Variants in EXD3 observed in about 807,000 individuals in gnomAD.
The protein encoded by EXD3 is exonuclease 3'-5' domain containing 3, also known as exonuclease mut-7 homolog.
A neutral mutation model predicts 98.0 loss-of-function variants in EXD3; 92 were observed. The observed-to-expected ratio is 0.94, with a 90% CI of 0.79 to 1.12. EXD3 has a LOEUF of 1.12. EXD3 is among the 50% of genes most tolerant of loss of function. The pLI is 0.00. For synonymous variants in EXD3, 569 were observed against 526.0 expected (o/e 1.08, Z -1.12); for missense variants, 1,222 against 1,191.6 (o/e 1.03, Z -0.38).
chr9:137,400,683 C>T (rs893631220), intron 1 of EXD3, among the ~76,000 whole-genome samples: 8 of 151,384 alleles, frequency 5.3e-5, no homozygotes, highest in African/African-American at 9.7e-5. Flanking sequence ...GAGAATCACT[C>T]GAACCTGGGA....
chr9:137,399,820 C>G (rs1386437888), intron 1 of EXD3, among the ~76,000 whole-genome samples: 1 of 152,080 alleles, frequency 6.6e-6, no homozygotes, highest in Non-Finnish European at 1.5e-5. Flanking sequence ...GGCAGTTCAC[C>G]TGAGGTCAGG....
chr9:137,335,213 CAA>C (rs1440555784), intron 17 of EXD3, among the ~76,000 whole-genome samples: 1 of 151,732 alleles, frequency 6.6e-6, no homozygotes. Flanking sequence ...AAGAAAAAAA[CAA>C]AGAATCCCAT....
At position 137,403,259 on chromosome 9, in the gene EXD3, G is replaced by A. The variant is rs1364612451; in HGVS notation, c.-47-7855C>T. On this transcript the variant is annotated intron_variant, in intron 1 of 21. Coordinates refer to ENST00000340951, the MANE Select transcript of EXD3 (RefSeq NM_017820.5). The surrounding 1 kb of genome is among the most constrained non-coding windows in gnomAD (Gnocchi z 6.1). Reference sequence around the variant, plus strand: ...CACCCCAGGAGTGGGGCCCCACTGTGAGTGACCTGAGGGGCCCCAGAAGAT... The same window carrying A: ...CACCCCAGGAGTGGGGCCCCACTGTAAGTGACCTGAGGGGCCCCAGAAGAT... Among the ~76,000 whole-genome samples, 1 of 152,040 alleles carries A rather than the reference G, an allele frequency of 6.6e-6. No individual in the cohort carries two copies. The highest frequency in any genetic ancestry group is 2.0e-4 in the East Asian group (1 of 5,128).
intron 17 of EXD3, among the ~76,000 whole-genome samples, chr9:137,329,454 G>A (rs111207788): frequency 0.038 from 38 of 994 alleles, 7 homozygotes; most frequent in Admixed American, 0.081. Flanking sequence ...GCTACACGGG[G>A]CTACACGGGA....
chr9:137,395,231 AC>A lies in EXD3; in HGVS notation c.55+71del, dbSNP rs1245329387. 24 of 1,143,858 alleles carry A rather than the reference AC, an allele frequency of 2.1e-5. No individual in the cohort carries two copies. The East Asian group carries it at 3.8e-4, about 18-fold the overall frequency. 70.9% of individuals were successfully genotyped at this position (1,143,858 alleles called of 1,614,324 possible). A position where few individuals can be genotyped will look rare whatever the true frequency, so the allele number is the denominator to read the frequency against. On this transcript the variant is annotated intron_variant, in intron 2 of 21. Transcript: ENST00000340951. The surrounding 1 kb of genome is among the most constrained non-coding windows in gnomAD (Gnocchi z 6.5). ...CACTGAGTACACAGTGGGCGCCACCACCCCCCATGCACACCCACGCACCTCC... is the reference window on the plus strand; with the variant it reads ...CACTGAGTACACAGTGGGCGCCACCACCCCCATGCACACCCACGCACCTCC...
chr9:137,399,280 C>T (rs11516135), intron 1 of EXD3, among the ~76,000 whole-genome samples: 41,730 of 152,074 alleles, frequency 0.27, 5,960 homozygotes, highest in East Asian at 0.37. Context: ...CCCAGCAGGA[C>T]GGACATGGTG....
At position 137,352,816 on chromosome 9, in the gene EXD3, A is replaced by T. The variant is rs746401115; in HGVS notation, c.871-30T>A. On this transcript the variant is annotated intron_variant, in intron 10 of 21. Transcript: ENST00000340951. ...GAGGAGGGTGGCCGTGAGGATGGAG[A>T]TGGGGACATTGCTGTGCCACAGGGC... The T allele has an allele frequency of 1.8e-5, 29 of 1,569,820 alleles. No homozygotes were observed. The East Asian group carries it at 2.8e-4, about 15-fold the overall frequency.
chr9:137,373,290 T>G, intron 4 of EXD3, 136 bp downstream of exon 4: 1 of 1,212,776 alleles, frequency 8.2e-7, no homozygotes, highest in African/African-American at 1.5e-5. Context: ...GTCTTGGCCA[T>G]AGCCCCCAGC....
chr9:137,332,716 G>T (rs911309734), intron 17 of EXD3, among the ~76,000 whole-genome samples: 1 of 151,850 alleles, frequency 6.6e-6, no homozygotes, highest in African/African-American at 2.4e-5. Context: ...ATGGTGGCGG[G>T]CGCCTGTAGT....
In EXD3 at chr9:137,373,489, C is replaced by A. The variant is rs747359521; in HGVS notation, c.231G>T (p.Ala77=). Residue 77 remains alanine, a synonymous_variant, in exon 4 of 22, where the codon GCG becomes GCT. Coordinates refer to ENST00000340951, the MANE Select transcript of EXD3 (RefSeq NM_017820.5). ...RGQRGEGPSL[A]AWISHQLQCW... is the part of the protein sequence containing the mutation. ...ACTGCAGCTGGTGGGAGATCCAGGC[C>A]GCCAGGGAGGGGCCCTCTCCCCGCT... 1.2e-6 allele frequency: 2 copies of A among 1,608,716 alleles called. No individual in the cohort carries two copies. Among genetic ancestry groups the A allele is most frequent in the East Asian group, 2.2e-5 (1 of 44,730 alleles).
intron 17 of EXD3, among the ~76,000 whole-genome samples, chr9:137,330,188 CA>C (rs1832948943): frequency 2.9e-5 from 4 of 135,850 alleles, no homozygotes; most frequent in Non-Finnish European, 6.2e-5. Context: ...CGGGACTACA[CA>C]GGACTACACA....
rs371224290 is a variant in EXD3, at chr9:137,421,767, G to A, written c.-48+1347C>T. ...ACAAGAGGATCATTTAAGCCCAAGA[G>A]TTCAAGGCTGCGATGAGTGGGAATC... On this transcript the variant is annotated intron_variant, in intron 1 of 21. Coordinates refer to ENST00000340951, the MANE Select transcript of EXD3 (RefSeq NM_017820.5). Among the ~76,000 whole-genome samples, 20 of 152,362 alleles carry A rather than the reference G, an allele frequency of 1.3e-4. No individual in the cohort carries two copies. The South Asian group carries it at 1.4e-3, about 11-fold the overall frequency.
intron 7 of EXD3, among the ~76,000 whole-genome samples, chr9:137,359,734 T>C (rs1834950478): frequency 1.2e-5 from 1 of 85,798 alleles, no homozygotes; most frequent in African/African-American, 3.2e-5. Context: ...GCAGTCTCTG[T>C]CCACGCTGCT....
intron 2 of EXD3, among the ~76,000 whole-genome samples, chr9:137,387,867 C>G (rs1376692639): frequency 6.6e-6 from 1 of 152,200 alleles, no homozygotes; most frequent in Non-Finnish European, 1.5e-5. Context: ...CTGGCCCCCA[C>G]CTCCACACCC....
intron 19 of EXD3, among the ~76,000 whole-genome samples, chr9:137,314,510 C>T (rs1444922303): frequency 1.3e-5 from 2 of 152,142 alleles, no homozygotes; most frequent in African/African-American, 4.8e-5. Context: ...GGTAGCCACC[C>T]GCTCAGTGAC....
chr9:137,328,907 C>A (rs1285296461), intron 17 of EXD3, among the ~76,000 whole-genome samples: 1 of 66,954 alleles, frequency 1.5e-5, no homozygotes, highest in African/African-American at 8.0e-5. Context: ...CGGGACTACA[C>A]AGGGTCACAC....
chr9:137,326,637 T>C (rs1409452042), intron 17 of EXD3, among the ~76,000 whole-genome samples: 2 of 152,004 alleles, frequency 1.3e-5, no homozygotes, highest in Non-Finnish European at 2.9e-5. Flanking sequence ...ATGAGCGACA[T>C]GCAAATAAAA....
intron 3 of EXD3, among the ~76,000 whole-genome samples, chr9:137,378,394 T>G (rs527566718): frequency 1.3e-5 from 2 of 151,864 alleles, no homozygotes; most frequent in African/African-American, 4.8e-5. Context: ...TTTTTTGGTT[T>G]AGATGGGGTT....
chr9:137,353,283 C>T (rs898598498), intron 10 of EXD3: 2 of 985,218 alleles, frequency 2.0e-6, no homozygotes, highest in Admixed American at 6.2e-5. Context: ...ACTGACCTTC[C>T]CGGCCTCCAA....
Sources: gnomAD v4.1 joint callset for allele counts (sites outside exome capture counted in the v4.1 genomes callset) on GRCh38, gnomAD v4.1.1 for gene constraint, Gnocchi (gnomAD v3.1) non-coding constraint, MANE v1.5 for transcripts, NCBI Gene and HGNC (gene_info 2026-07-23, HGNC 2026-07-21) for gene names.